Variants in MROH1 observed in about 807,000 individuals in gnomAD.
MROH1 encodes maestro heat-like repeat-containing protein family member 1.
A neutral mutation model predicts 116.5 loss-of-function variants in MROH1; 117 were observed. The ratio of observed to expected loss-of-function variants is 1.00; its 90% CI spans 0.86 to 1.17. The LOEUF (loss-of-function observed/expected upper bound fraction) is 1.17. MROH1 is among the 50% of genes most tolerant of loss of function. The pLI is 0.00. For synonymous variants in MROH1, 921 were observed against 583.9 expected, an observed-to-expected ratio of 1.58 and a Z score of -8.32; for missense variants, 1,873 against 1,338.5, an observed-to-expected ratio of 1.40 and a Z score of -6.23.
At chr8:144,216,850 C>T (rs747777030) in intron 12 of MROH1, among the ~76,000 whole-genome samples, 1 of 152,002 alleles carries the variant, frequency 6.6e-6, no homozygotes, top group African/African-American at 2.4e-5. Context: ...CCACCACATC[C>T]GGCTAATTTT....
intron 1 of MROH1, among the ~76,000 whole-genome samples, chr8:144,154,243 T>G (rs1817532503): frequency 6.6e-6 from 1 of 152,050 alleles, no homozygotes; most frequent in Non-Finnish European, 1.5e-5. Context: ...TTTAAAAATT[T>G]TTTAAGTAGA....
At chr8:144,204,124 GT>G (rs1227087339) in intron 12 of MROH1, among the ~76,000 whole-genome samples, 1 of 152,024 alleles carries the variant, frequency 6.6e-6, no homozygotes, top group African/African-American at 2.4e-5. Flanking sequence ...TTTTTGTTTT[GT>G]TTTGAGACAG....
At position 144,160,064 on chromosome 8, in the gene MROH1, C is replaced by T. The variant is rs917837649; in HGVS notation, c.-176-906C>T. Reference sequence around the variant, plus strand: ...GATTACAGGCGTGAGCCACCGCGCCCGGCCCACGCCTGGTAATTTTTGATT... The same window carrying T: ...GATTACAGGCGTGAGCCACCGCGCCTGGCCCACGCCTGGTAATTTTTGATT... On this transcript the variant is annotated intron_variant, in intron 1 of 43. Transcript: ENST00000326134. Among the ~76,000 whole-genome samples, 8 of 152,340 alleles carry T rather than the reference C, an allele frequency of 5.3e-5. No homozygotes were observed. In the South Asian group the frequency reaches 6.2e-4, roughly 12 times the overall value.
intron 2 of MROH1, among the ~76,000 whole-genome samples, chr8:144,161,734 G>T (rs970713557): frequency 3.3e-5 from 5 of 152,236 alleles, no homozygotes; most frequent in Admixed American, 3.3e-4. Context: ...TTTGAGTTGG[G>T]TGAGCGTGGC....
chr8:144,165,090 C>G (rs1449035483), intron 3 of MROH1, among the ~76,000 whole-genome samples: 2 of 151,256 alleles, frequency 1.3e-5, no homozygotes, highest in African/African-American at 4.8e-5. Context: ...TCCCAAGTAG[C>G]TGAGATTACA....
rs373881262 is a variant in MROH1 at position 144,219,936 on chromosome 8, C to T, written c.1142-664C>T. Among the ~76,000 whole-genome samples the T allele has an allele frequency of 3.3e-5, 5 of 152,290 alleles. No homozygotes were observed. The East Asian group carries it at 7.7e-4, about 24-fold the overall frequency. On this transcript the variant is annotated intron_variant, in intron 12 of 43. Transcript: ENST00000326134. Reference sequence around the variant, plus strand: ...TCCGCAGTCCCTGGGGCCTCCAGTTCCTCATCTGTGACATTGGGTTGTCGT... The same window carrying T: ...TCCGCAGTCCCTGGGGCCTCCAGTTTCTCATCTGTGACATTGGGTTGTCGT...
In MROH1 at chr8:144,188,239, GA is replaced by G. The variant is rs367999871; in HGVS notation, c.563-2540del. 8.5e-5 allele frequency among the ~76,000 whole-genome samples: 13 copies of G among 152,252 alleles called. No homozygotes were observed. The East Asian group carries it at 2.3e-3, about 27-fold the overall frequency. On this transcript the variant is annotated intron_variant, in intron 7 of 43. Transcript: ENST00000326134. Reference sequence around the variant, plus strand: ...CAGAACTGCAGATGAACATCACCAAGAAAAAGAATTACCAAAGAAGATACTA... The same window carrying G: ...CAGAACTGCAGATGAACATCACCAAGAAAAGAATTACCAAAGAAGATACTA...
At chr8:144,176,387 T>A (rs1242654506) in intron 4 of MROH1, among the ~76,000 whole-genome samples, 3 of 106,956 alleles carry the variant, frequency 2.8e-5, no homozygotes, top group African/African-American at 3.2e-5. Context: ...AAAAAAAAAA[T>A]TAGCTGAGTG....
intron 24 of MROH1, among the ~76,000 whole-genome samples, chr8:144,242,921 C>T (rs1195245506): frequency 6.6e-6 from 1 of 152,232 alleles, no homozygotes; most frequent in Non-Finnish European, 1.5e-5. Flanking sequence ...CTGGAACCTC[C>T]TCTGGCTCTG....
rs746322565 is a variant in MROH1, at chr8:144,199,137, G to A, written c.964G>A (p.Glu322Lys). The A allele has an allele frequency of 6.2e-7, 1 of 1,613,800 alleles. No individual in the cohort carries two copies. Among genetic ancestry groups the A allele is most frequent in the African/African-American group, 1.3e-5 (1 of 75,058 alleles). The change falls in exon 11 of 44, where the codon GAG becomes AAG. Residue 322 changes from glutamate to lysine, a missense_variant. Transcript: ENST00000326134. Reference sequence around the variant, plus strand: ...CCTGGAGCAGATCTGTGTGCCTGTGGAGTCCTCAAGCCCCCTGGTGATGAG... The same window carrying A: ...CCTGGAGCAGATCTGTGTGCCTGTGAAGTCCTCAAGCCCCCTGGTGATGAG... ...ALHSQICVPV[E>K]SSSPLVMSNQ...
chr8:144,172,367 G>A (rs2131109648), intron 4 of MROH1, among the ~76,000 whole-genome samples: 2 of 151,456 alleles, frequency 1.3e-5, no homozygotes, highest in East Asian at 3.9e-4. Flanking sequence ...AGGCGTTTCT[G>A]TCTGCTGACT....
intron 12 of MROH1, among the ~76,000 whole-genome samples, chr8:144,214,660 C>T (rs745502267): frequency 2.0e-5 from 3 of 152,156 alleles, no homozygotes; most frequent in Non-Finnish European, 2.9e-5. Context: ...TGTGGGGCCG[C>T]GGCCACCCCA....
At chr8:144,176,536 GAAAA>G (rs113841473) in intron 4 of MROH1, among the ~76,000 whole-genome samples, 6 of 129,650 alleles carry the variant, frequency 4.6e-5, no homozygotes, top group Admixed American at 3.3e-4. Flanking sequence ...CCCTGACTCA[GAAAA>G]AAAAAAAAAA....
intron 14 of MROH1, among the ~76,000 whole-genome samples, chr8:144,229,380 ATTTTTTTTTT>A (rs60877043): frequency 9.2e-6 from 1 of 108,904 alleles, no homozygotes; most frequent in Non-Finnish European, 2.0e-5. Flanking sequence ...TACCTTATGA[ATTTTTTTTTT>A]TTTTTTTTTT....
At chr8:144,216,836 C>A (rs544856041) in intron 12 of MROH1, among the ~76,000 whole-genome samples, 3 of 152,000 alleles carry the variant, frequency 2.0e-5, no homozygotes, top group Non-Finnish European at 2.9e-5. Flanking sequence ...ATTACAGGCA[C>A]CTGCCACCAC....
At chr8:144,229,816 T>C (rs565729885) in intron 14 of MROH1, among the ~76,000 whole-genome samples, 20 of 152,246 alleles carry the variant, frequency 1.3e-4, no homozygotes, top group Admixed American at 1.2e-3. Context: ...AGCGGATCAC[T>C]TGAGGTCAGG....
At chr8:144,178,053 G>A (rs1007196569) in intron 4 of MROH1, among the ~76,000 whole-genome samples, 4 of 150,138 alleles carry the variant, frequency 2.7e-5, no homozygotes, top group Non-Finnish European at 4.4e-5. Flanking sequence ...TCCACCTCCC[G>A]GGTTCAAGCT....
At chr8:144,151,892 T>C (rs1306117332) in intron 1 of MROH1, among the ~76,000 whole-genome samples, 1 of 152,244 alleles carries the variant, frequency 6.6e-6, no homozygotes, top group Non-Finnish European at 1.5e-5. Context: ...CGTGCTGCAC[T>C]GCCGTCGGCT....
chr8:144,179,534 A>G lies in MROH1; in HGVS notation c.248A>G (p.Asp83Gly), dbSNP rs1316884003. The G allele has an allele frequency of 6.2e-7, 1 of 1,613,320 alleles. No homozygotes were observed. The highest frequency in any genetic ancestry group is 8.5e-7 in the Non-Finnish European group (1 of 1,179,808). ...AGTCGCGCCAGTGAGCTGGACAAGGACACAGCCAGCACCATCATCCTCCTG... is the reference window on the plus strand; with the variant it reads ...AGTCGCGCCAGTGAGCTGGACAAGGGCACAGCCAGCACCATCATCCTCCTG... ...LSSRASELDKDTASTIILLAS... is the reference protein window; with the variant it reads ...LSSRASELDKGTASTIILLAS... Residue 83 changes from aspartate to glycine, a missense_variant, in exon 5 of 44, where the codon GAC (aspartate) becomes GGC (glycine). Physicochemically the swap from Asp to Gly is moderately conservative, Grantham distance 94. Coordinates refer to ENST00000326134, the MANE Select transcript of MROH1 (RefSeq NM_032450.3).
Sources: gnomAD v4.1 joint callset for allele counts (sites outside exome capture counted in the v4.1 genomes callset) on GRCh38, gnomAD v4.1.1 for gene constraint, MANE v1.5 for transcripts, NCBI Gene and HGNC (gene_info 2026-07-23, HGNC 2026-07-21) for gene names.